TM7SF3: variants seen among roughly 807,000 people sequenced by gnomAD.
TM7SF3 encodes transmembrane 7 superfamily member 3.
In TM7SF3, 60 loss-of-function variants were observed where a neutral mutation model predicts 65.5. The observed-to-expected ratio is 0.92, with a 90% CI of 0.74 to 1.14. The LOEUF (loss-of-function observed/expected upper bound fraction) is 1.14. Among genes scored for constraint, TM7SF3 ranks in the 50% most tolerant of loss-of-function variants. The probability of loss-of-function intolerance (pLI) is 0.00; values close to 1 mark genes in which losing one functional copy is unlikely to be tolerated. For synonymous variants in TM7SF3, 264 were observed against 259.6 expected (o/e 1.02, Z -0.16); for missense variants, 623 against 684.8 (o/e 0.91, Z 1.01).
rs752393797 is a variant in TM7SF3, at chr12:26,995,395, G to C, written c.532C>G (p.Pro178Ala). 8.7e-6 allele frequency: 14 copies of C among 1,614,118 alleles called. 1 individual carries two copies. The highest frequency in any genetic ancestry group is 5.5e-5 in the South Asian group (5 of 91,072). The change falls in exon 5 of 12, where the codon CCA becomes GCA. Residue 178 changes from proline to alanine, a missense_variant. Coordinates refer to ENST00000343028, the MANE Select transcript of TM7SF3 (RefSeq NM_016551.3). ...TGGTCTGTCCCAGCGTCACATGGTG[G>C]GGGATCTACGCCTCTAAAGTCAACC... ...NLGYARGVDP[P>A]PCDAGTDQDS...
intron 9 of TM7SF3, 185 bp downstream of exon 9, chr12:26,979,599 C>G: frequency 3.3e-6 from 2 of 614,246 alleles, no homozygotes; most frequent in South Asian, 4.1e-5. Flanking sequence ...ATCTACTGTG[C>G]CTTTGAGGAA....
chr12:26,992,716 A>G (rs1269673605), intron 5 of TM7SF3, among the ~76,000 whole-genome samples: 1 of 152,198 alleles, frequency 6.6e-6, no homozygotes, highest in Non-Finnish European at 1.5e-5. Flanking sequence ...CAGCGTTGCA[A>G]GAGTATCATA....
At chr12:26,983,987 A>G (rs1939930929) in intron 6 of TM7SF3, among the ~76,000 whole-genome samples, 2 of 152,248 alleles carry the variant, frequency 1.3e-5, no homozygotes. Flanking sequence ...GCTGCCACAA[A>G]TCAAAATACA....
At chr12:26,977,491 C>T (rs1036970092) in intron 9 of TM7SF3, among the ~76,000 whole-genome samples, 2 of 152,140 alleles carry the variant, frequency 1.3e-5, no homozygotes, top group Non-Finnish European at 2.9e-5. Flanking sequence ...TGGTGGCTCA[C>T]GCCTGTAATC....
At position 26,985,806 on chromosome 12, in the gene TM7SF3, G is replaced by GTTTTTTTTT. The variant is rs149988617; in HGVS notation, c.869-2956_869-2948dup. Among the ~76,000 whole-genome samples the GTTTTTTTTT allele has an allele frequency of 4.0e-4, 21 of 52,832 alleles. 2 individuals are homozygous for GTTTTTTTTT. Among genetic ancestry groups the GTTTTTTTTT allele is most frequent in the Non-Finnish European group, 5.9e-4 (19 of 32,306 alleles). The allele number at this position is 52,832 out of a possible 152,430, so 34.7% of individuals were successfully genotyped here. A position where few individuals can be genotyped will look rare whatever the true frequency, so the allele number is the denominator to read the frequency against. On this transcript the variant is annotated intron_variant, in intron 6 of 11. Coordinates refer to ENST00000343028, the MANE Select transcript of TM7SF3 (RefSeq NM_016551.3). ...CTTTGCTTGGCCAAATTTCTTTTTC[G>GTTTTTTTTT]TTTTTTTTTTTTTTTTTTTTTTTTT...
intron 1 of TM7SF3, 37 bp from the exon 2 acceptor site, chr12:27,003,427 C>A (rs375443536): frequency 1.3e-6 from 2 of 1,546,400 alleles, no homozygotes; most frequent in Admixed American, 2.0e-5. Flanking sequence ...AACACTTGTA[C>A]TCTCATATCA....
At chr12:27,008,687 T>C (rs1221115256) in intron 1 of TM7SF3, among the ~76,000 whole-genome samples, 1 of 152,210 alleles carries the variant, frequency 6.6e-6, no homozygotes, top group Non-Finnish European at 1.5e-5. Flanking sequence ...ATGCTGATTT[T>C]TACACATGGT....
At chr12:27,005,127 T>C (rs889188422) in intron 1 of TM7SF3, among the ~76,000 whole-genome samples, 1 of 152,164 alleles carries the variant, frequency 6.6e-6, no homozygotes, top group South Asian at 2.1e-4. Context: ...ACTAAAAATG[T>C]TTCATTTATT....
At chr12:26,994,830 T>A (rs761328445) in intron 5 of TM7SF3, among the ~76,000 whole-genome samples, 21 of 152,208 alleles carry the variant, frequency 1.4e-4, no homozygotes, top group Non-Finnish European at 2.9e-4. Context: ...AAGTTAGACT[T>A]TGAGTTTGGG....
intron 1 of TM7SF3, among the ~76,000 whole-genome samples, chr12:27,007,401 AT>A (rs1212131095): frequency 6.6e-6 from 1 of 151,874 alleles, no homozygotes. Context: ...ATTTTAAGTG[AT>A]TTTTTTTCTT....
intron 6 of TM7SF3, among the ~76,000 whole-genome samples, chr12:26,985,676 TATAC>T (rs1458260578): frequency 0.015 from 1,773 of 114,408 alleles, 28 homozygotes; most frequent in South Asian, 0.035. Context: ...TATATATATA[TATAC>T]ACACACACAA....
intron 9 of TM7SF3, chr12:26,978,203 T>C (rs918509675): frequency 7.0e-5 from 16 of 228,718 alleles, no homozygotes; most frequent in East Asian, 2.9e-4. Context: ...AAAGGGTATA[T>C]GCTAAAATTA....
intron 3 of TM7SF3, among the ~76,000 whole-genome samples, chr12:26,998,659 G>A (rs1216849196): frequency 2.0e-5 from 3 of 151,924 alleles, no homozygotes; most frequent in Non-Finnish European, 2.9e-5. Flanking sequence ...TCTCCATCCC[G>A]CCTCTCATGG....
intron 6 of TM7SF3, among the ~76,000 whole-genome samples, chr12:26,985,636 AAAAAAAAAAAAAAAAAATATATAT>A (rs1325230460): frequency 2.0e-5 from 1 of 49,632 alleles, no homozygotes; most frequent in Non-Finnish European, 3.7e-5. Flanking sequence ...AAAAAAAAAA[AAAAAAAAAAAAAAAAAATATATAT>A]ATATATATAT....
In TM7SF3 at chr12:26,974,233, A is replaced by T. The variant is rs1939476966; in HGVS notation, c.1451-6T>A. 1.2e-6 allele frequency: 2 copies of T among 1,611,618 alleles called. No homozygotes were observed. Among genetic ancestry groups the T allele is most frequent in the Non-Finnish European group, 8.5e-7 (1 of 1,178,906 alleles). On this transcript the variant is annotated splice_polypyrimidine_tract_variant and splice_region_variant and intron_variant, in intron 11 of 11. Coordinates refer to ENST00000343028, the MANE Select transcript of TM7SF3 (RefSeq NM_016551.3). ...TACTGCCAGGATAATGAAGTCTAAAAAACAGTAGAAAAAGTACAGTTTGAA... is the reference window on the plus strand; with the variant it reads ...TACTGCCAGGATAATGAAGTCTAAATAACAGTAGAAAAAGTACAGTTTGAA...
chr12:26,995,376 G>A lies in TM7SF3; in HGVS notation c.551C>T (p.Thr184Ile). 6.2e-7 allele frequency: 1 copy of A among 1,614,170 alleles called. No individual in the cohort carries two copies. The highest frequency in any genetic ancestry group is 8.5e-7 in the Non-Finnish European group (1 of 1,180,032). Residue 184 changes from threonine to isoleucine, a missense_variant, in exon 5 of 12, where the codon ACA (threonine) becomes ATA (isoleucine). By Grantham distance (89) the Thr-to-Ile change is moderately conservative. Transcript: ENST00000343028. Reference sequence around the variant, plus strand: ...CAACCTCCACCTGGAGTCCTGGTCTGTCCCAGCGTCACATGGTGGGGGATC... The same window carrying A: ...CAACCTCCACCTGGAGTCCTGGTCTATCCCAGCGTCACATGGTGGGGGATC... Reference protein sequence around the residue: ...GVDPPPCDAGTDQDSRWRLQY... With the variant: ...GVDPPPCDAGIDQDSRWRLQY...
intron 9 of TM7SF3, chr12:26,978,912 G>A (rs137880641): frequency 6.8e-4 from 103 of 152,156 alleles, no homozygotes; most frequent in African/African-American, 2.3e-3. Flanking sequence ...CACATGTAGG[G>A]TAGAGCCTTG....
chr12:26,990,304 G>T, intron 6 of TM7SF3, 146 bp downstream of exon 6: 1 of 539,212 alleles, frequency 1.9e-6, no homozygotes, highest in Non-Finnish European at 3.3e-6. Flanking sequence ...TTGCTGTTTT[G>T]TTTACTGCTA....
intron 1 of TM7SF3, among the ~76,000 whole-genome samples, chr12:27,009,643 C>T (rs1941172693): frequency 6.6e-6 from 1 of 152,118 alleles, no homozygotes; most frequent in Admixed American, 6.6e-5. Context: ...AGAGATCCTC[C>T]CCCACTCAGT....
Sources: allele counts gnomAD v4.1 joint callset (sites outside exome capture counted in the v4.1 genomes callset), GRCh38; gene constraint gnomAD v4.1.1; transcripts MANE v1.5; gene names NCBI Gene and HGNC (gene_info 2026-07-23, HGNC 2026-07-21).